The following IQGAP3 variants were observed in gnomAD, a reference collection of about 807,000 sequenced individuals.
IQGAP3 encodes IQ motif containing GTPase activating protein 3.
In IQGAP3, 165 loss-of-function variants were observed where a neutral mutation model predicts 208.2. The ratio of observed to expected loss-of-function variants is 0.79; its 90% CI spans 0.70 to 0.90. The LOEUF (loss-of-function observed/expected upper bound fraction) is 0.90. Ranked by LOEUF, IQGAP3 falls within the 40% of genes least tolerant of loss-of-function variation. The pLI, the probability that IQGAP3 is intolerant of heterozygous loss-of-function variation, is 0.00. For missense variants in IQGAP3, 1,811 were observed against 2,043.1 expected, an observed-to-expected ratio of 0.89 and a Z score of 2.19; for synonymous variants, 703 against 803.6, an observed-to-expected ratio of 0.87 and a Z score of 2.12.
chr1:156,548,861 TGAA>T, intron 16 of IQGAP3, 113 bp from the exon 17 acceptor site: 1 of 1,079,688 alleles, frequency 9.3e-7, no homozygotes, highest in South Asian at 2.1e-5. Flanking sequence ...ATCACCCTTC[TGAA>T]GGAGTAGACG....
At position 156,530,130 on chromosome 1, in the gene IQGAP3, T is replaced by G; in HGVS notation, c.4379A>C (p.Gln1460Pro). Residue 1460 changes from glutamine (Q) to proline (P), a missense_variant, in exon 34 of 38, where the codon CAG (glutamine) becomes CCG (proline). Coordinates refer to ENST00000361170, the MANE Select transcript of IQGAP3 (RefSeq NM_178229.5). ...LGLVSARNGY[Q>P]GLVDELAKDI... ...CTTGGCCAGCTCGTCCACTAGCCCC[T>G]GGTAGCCATTTCTGGCGCTGACCAA... 1.2e-6 allele frequency: 2 copies of G among 1,606,688 alleles called. No individual in the cohort carries two copies. The highest frequency in any genetic ancestry group is 1.7e-6 in the Non-Finnish European group (2 of 1,176,632).
chr1:156,537,123 G>C, intron 27 of IQGAP3, 58 bp downstream of exon 27: 2 of 1,564,268 alleles, frequency 1.3e-6, no homozygotes, highest in East Asian at 2.2e-5. Flanking sequence ...TGCTCCCCAT[G>C]GTGGCCTGGC....
Position 156,548,737 on chromosome 1 carries a change from C to T in IQGAP3, c.1837G>A (p.Val613Met), listed in dbSNP as rs1015302750. The T allele has an allele frequency of 6.4e-7, 1 of 1,572,224 alleles. No individual in the cohort carries two copies. Among genetic ancestry groups the T allele is most frequent in the Non-Finnish European group, 8.6e-7 (1 of 1,157,470 alleles). Residue 613 changes from valine to methionine, a missense_variant, in exon 17 of 38, where the codon GTG becomes ATG. Transcript: ENST00000361170. ...TNTAQRMALG[V>M]AAINQAIKEG... The stretch of plus-strand genomic sequence containing the variant: ...TTGATGGCTTGATTGATGGCAGCCA[C>T]ACCAAGAGCCACTGACAGGGGCATC...
Position 156,530,192 on chromosome 1 carries a change from G to T in IQGAP3, c.4317C>A (p.Arg1439=), listed in dbSNP as rs568433536. Residue 1439 remains arginine, a synonymous_variant, in exon 34 of 38, where the codon CGC becomes CGA. Coordinates refer to ENST00000361170, the MANE Select transcript of IQGAP3 (RefSeq NM_178229.5). ...CAAGTCGGCGTAGGTTCCGCAGGAC[G>T]CGCCGCTGCTTCTCTGCCAGTGGCA... The part of the protein sequence containing the change: ...SLLPLAEKQR[R]VLRNLRRLEA... The T allele has an allele frequency of 6.2e-7, 1 of 1,612,802 alleles. No individual in the cohort carries two copies. The highest frequency in any genetic ancestry group is 8.5e-7 in the Non-Finnish European group (1 of 1,179,686).
chr1:156,532,341 C>T (rs1032647985), intron 32 of IQGAP3, among the ~76,000 whole-genome samples: 4 of 141,490 alleles, frequency 2.8e-5, no homozygotes, highest in South Asian at 2.3e-4. Flanking sequence ...GAACTGAGTT[C>T]GTGTCACTGC....
intron 33 of IQGAP3, 61 bp from the exon 34 acceptor site, chr1:156,530,378 T>C: frequency 1.4e-6 from 2 of 1,448,588 alleles, no homozygotes; most frequent in East Asian, 4.7e-5. Flanking sequence ...CCCACACCAG[T>C]GAAGGTCCCA....
chr1:156,526,404 G>T lies in IQGAP3; in HGVS notation c.*82C>A. 1.1e-6 allele frequency: 1 copy of T among 922,798 alleles called. No homozygotes were observed. Among genetic ancestry groups the T allele is most frequent in the Non-Finnish European group, 1.8e-6 (1 of 561,890 alleles). The allele number at this position is 922,798 out of a possible 1,614,324, so 57.2% of individuals were successfully genotyped here. A position where few individuals can be genotyped will look rare whatever the true frequency, so the allele number is the denominator to read the frequency against. ...GCCCAGTCCTGAGCTCTAGGTGTCTGCAGGGAAGCACAGTGGTGAGTTAGT... is the reference window on the plus strand; with the variant it reads ...GCCCAGTCCTGAGCTCTAGGTGTCTTCAGGGAAGCACAGTGGTGAGTTAGT... On this transcript the variant is annotated 3_prime_UTR_variant, in exon 38 of 38. Transcript: ENST00000361170.
chr1:156,563,547 C>A lies in IQGAP3; in HGVS notation c.619+6G>T. 6.2e-7 allele frequency: 1 copy of A among 1,609,666 alleles called. No homozygotes were observed. Among genetic ancestry groups the A allele is most frequent in the Non-Finnish European group, 8.5e-7 (1 of 1,177,006 alleles). On this transcript the variant is annotated splice_donor_region_variant and intron_variant, in intron 7 of 37. Coordinates refer to ENST00000361170, the MANE Select transcript of IQGAP3 (RefSeq NM_178229.5). ...TACTCCTGGCAGGGCAGAGCCTAGTCCTTACCTGCAGCCTCATCCACCGAG... is the reference window on the plus strand; with the variant it reads ...TACTCCTGGCAGGGCAGAGCCTAGTACTTACCTGCAGCCTCATCCACCGAG...
chr1:156,553,523 C>G (rs1361292101), intron 13 of IQGAP3, among the ~76,000 whole-genome samples: 1 of 152,106 alleles, frequency 6.6e-6, no homozygotes, highest in Non-Finnish European at 1.5e-5. Flanking sequence ...TACCCATTAC[C>G]CACTTTGCCC....
chr1:156,551,087 G>C (rs1675524146), intron 15 of IQGAP3, among the ~76,000 whole-genome samples: 1 of 152,180 alleles, frequency 6.6e-6, no homozygotes, highest in African/African-American at 2.4e-5. Flanking sequence ...GCTTGGCACA[G>C]AGTAAGGACT....
chr1:156,539,135 TC>T, intron 25 of IQGAP3, 102 bp from the exon 26 acceptor site: 1 of 1,016,286 alleles, frequency 9.8e-7, no homozygotes. Flanking sequence ...TGCCCTGGTG[TC>T]CCCGCTCTTA....
At chr1:156,572,376 A>C in intron 1 of IQGAP3, 117 bp downstream of exon 1, 1 of 1,151,746 alleles carries the variant, frequency 8.7e-7, no homozygotes, top group Non-Finnish European at 1.3e-6. Context: ...GAGCAGTCCC[A>C]CCGCCCTCGC....
At chr1:156,567,951 T>C (rs1676481364) in intron 2 of IQGAP3, among the ~76,000 whole-genome samples, 2 of 152,220 alleles carry the variant, frequency 1.3e-5, no homozygotes, top group Non-Finnish European at 2.9e-5. Context: ...ATGAAGGCAT[T>C]AGATGAAAGT....
intron 33 of IQGAP3, 147 bp downstream of exon 33, chr1:156,531,013 G>C (rs1033526387): frequency 4.3e-6 from 3 of 699,180 alleles, no homozygotes; most frequent in Non-Finnish European, 5.2e-6. Flanking sequence ...CATCCTGTAG[G>C]CCTCCAGAGT....
chr1:156,548,662 C>T lies in IQGAP3; in HGVS notation c.1912G>A (p.Ala638Thr). 2 of 1,612,334 alleles carry T rather than the reference C, an allele frequency of 1.2e-6. No homozygotes were observed. Among genetic ancestry groups the T allele is most frequent in the South Asian group, 1.1e-5 (1 of 90,914 alleles). Residue 638 changes from alanine to threonine, a missense_variant, in exon 17 of 38, where the codon GCC becomes ACC. Ala to Thr is a moderately conservative substitution (Grantham distance 58, BLOSUM62 0). Transcript: ENST00000361170. ...CAGTCGGGAACTACCCCTCGAAGGG[C>T]CACTGCGGGGTTCCTCAACACCCGC... ...TERVLRNPAV[A>T]LRGVVPDCAN...
chr1:156,571,752 A>G (rs981015158), intron 1 of IQGAP3, among the ~76,000 whole-genome samples: 13 of 152,252 alleles, frequency 8.5e-5, no homozygotes, highest in Non-Finnish European at 1.5e-5. Flanking sequence ...AAGACTGGAC[A>G]TGGACTTTGC....
chr1:156,540,338 A>C (rs1171170540), intron 23 of IQGAP3, among the ~76,000 whole-genome samples: 2 of 152,140 alleles, frequency 1.3e-5, no homozygotes, highest in Non-Finnish European at 2.9e-5. Flanking sequence ...GCATATTTAT[A>C]TGGTAATTTA....
At chr1:156,552,703 T>C (rs1675613365) in intron 13 of IQGAP3, among the ~76,000 whole-genome samples, 1 of 152,204 alleles carries the variant, frequency 6.6e-6, no homozygotes, top group African/African-American at 2.4e-5. Flanking sequence ...CTCCAATAGC[T>C]GTCTAACAGG....
intron 19 of IQGAP3, 126 bp downstream of exon 19, chr1:156,547,947 G>T: frequency 1.2e-6 from 1 of 840,830 alleles, no homozygotes; most frequent in Non-Finnish European, 1.8e-6. Flanking sequence ...CAGAACCTAT[G>T]CTTTTAACCA....
Sources: gnomAD v4.1 joint callset for allele counts (sites outside exome capture counted in the v4.1 genomes callset) on GRCh38, gnomAD v4.1.1 for gene constraint, MANE v1.5 for transcripts, NCBI Gene and HGNC (gene_info 2026-07-23, HGNC 2026-07-21) for gene names.